Variants in PIP4K2A observed in about 807,000 individuals in gnomAD.
PIP4K2A encodes phosphatidylinositol-5-phosphate 4-kinase type 2 alpha.
A neutral mutation model predicts 42.9 loss-of-function variants in PIP4K2A; 14 were observed. The ratio of observed to expected loss-of-function variants is 0.33; its 90% confidence interval spans 0.22 to 0.51. PIP4K2A has a LOEUF of 0.51. Among genes scored for constraint, PIP4K2A ranks in the 20% least tolerant of loss-of-function variants. PIP4K2A has a pLI of 0.97. For missense variants in PIP4K2A, 434 were observed against 519.8 expected (o/e 0.83, Z 1.61); for synonymous variants, 192 against 192.2 (o/e 1.00, Z 0.01).
chr10:22,621,239 C>T (rs529656709), intron 1 of PIP4K2A, among the ~76,000 whole-genome samples: 4 of 152,290 alleles, frequency 2.6e-5, no homozygotes, highest in African/African-American at 9.6e-5. Context: ...AATCAATCCC[C>T]TAAGCTAGAG....
chr10:22,605,548 G>A (rs1837887836), intron 3 of PIP4K2A, among the ~76,000 whole-genome samples: 1 of 152,216 alleles, frequency 6.6e-6, no homozygotes, highest in African/African-American at 2.4e-5. Context: ...CTGCTGCAGT[G>A]CAGAACTCAG....
At position 22,691,008 on chromosome 10, in the gene PIP4K2A, C is replaced by A. The variant is rs1014893353; in HGVS notation, c.144+23175G>T. ...GGGTAGAAAAAAGGATTTGGTCCCC[C>A]ACGTAACCCCCTAAGGGAGACAGAA... is the stretch of plus-strand genomic sequence containing the variant. On this transcript the variant is annotated intron_variant, in intron 1 of 9. Transcript: ENST00000376573. Among the ~76,000 whole-genome samples, 6 of 152,274 alleles carry A rather than the reference C, an allele frequency of 3.9e-5. No homozygotes were observed. The East Asian group carries it at 1.2e-3, about 29-fold the overall frequency.
intron 1 of PIP4K2A, among the ~76,000 whole-genome samples, chr10:22,687,338 A>G (rs1839785646): frequency 6.6e-6 from 1 of 152,262 alleles, no homozygotes; most frequent in South Asian, 2.1e-4. Context: ...TATGCATTTA[A>G]TCAAACAATG....
At chr10:22,545,175 C>A (rs1052216976) in intron 7 of PIP4K2A, among the ~76,000 whole-genome samples, 4 of 152,206 alleles carry the variant, frequency 2.6e-5, no homozygotes, top group Non-Finnish European at 5.9e-5. Flanking sequence ...CTAATTCTCC[C>A]CAACCTGCTT....
chr10:22,697,006 C>T (rs1839984932), intron 1 of PIP4K2A, among the ~76,000 whole-genome samples: 1 of 152,122 alleles, frequency 6.6e-6, no homozygotes, highest in African/African-American at 2.4e-5. Flanking sequence ...TAAAATACAT[C>T]CACATAAAGT....
intron 6 of PIP4K2A, among the ~76,000 whole-genome samples, chr10:22,552,228 C>T (rs538724007): frequency 6.6e-6 from 1 of 151,802 alleles, no homozygotes; most frequent in African/African-American, 2.4e-5. Context: ...TAATCTCGTA[C>T]GGGAGAATGA....
intron 1 of PIP4K2A, chr10:22,641,985 C>G (rs1392990359): frequency 6.6e-6 from 1 of 152,278 alleles, no homozygotes; most frequent in African/African-American, 2.4e-5. Flanking sequence ...GACCTTCGGA[C>G]TTTCACGCAG....
intron 1 of PIP4K2A, among the ~76,000 whole-genome samples, chr10:22,669,697 C>T (rs1839412781): frequency 6.6e-6 from 1 of 152,216 alleles, no homozygotes; most frequent in Non-Finnish European, 1.5e-5. Context: ...TACAGACGGT[C>T]TGCGACTTGC....
chr10:22,635,989 A>C (rs1367101944), intron 1 of PIP4K2A, among the ~76,000 whole-genome samples: 1 of 152,240 alleles, frequency 6.6e-6, no homozygotes, highest in East Asian at 1.9e-4. Context: ...TGTGGTTCTG[A>C]GGCTGAAAAC....
chr10:22,557,719 T>C (rs1252961597), intron 6 of PIP4K2A, among the ~76,000 whole-genome samples: 1 of 152,188 alleles, frequency 6.6e-6, no homozygotes, highest in African/African-American at 2.4e-5. Flanking sequence ...CAAACTAAAA[T>C]ATCATTGGAT....
At chr10:22,673,148 C>G (rs1158968040) in intron 1 of PIP4K2A, among the ~76,000 whole-genome samples, 1 of 152,206 alleles carries the variant, frequency 6.6e-6, no homozygotes, top group Admixed American at 6.5e-5. Context: ...TGACTTCTAC[C>G]TAATTCAGGC....
chr10:22,571,170 T>G (rs1836977840), intron 5 of PIP4K2A, among the ~76,000 whole-genome samples: 1 of 152,246 alleles, frequency 6.6e-6, no homozygotes, highest in African/African-American at 2.4e-5. Flanking sequence ...CTGGCCATCT[T>G]TTTCATGAAA....
chr10:22,656,521 G>A (rs1839104848), intron 1 of PIP4K2A, among the ~76,000 whole-genome samples: 1 of 152,114 alleles, frequency 6.6e-6, no homozygotes. Context: ...CTACAAGGGT[G>A]CAAATAAAGG....
chr10:22,535,890 GA>G lies in PIP4K2A; in HGVS notation c.*1310del, dbSNP rs34435373. The G allele has an allele frequency of 0.94, 351,875 of 373,106 alleles. 166,010 individuals are homozygous for G. Among genetic ancestry groups the G allele is most frequent in the East Asian group, 1 (26,486 of 26,496 alleles). 23.1% of individuals were successfully genotyped at this position (373,106 alleles called of 1,614,324 possible). A position where few individuals can be genotyped will look rare whatever the true frequency, so the allele number is the denominator to read the frequency against. On this transcript the variant is annotated 3_prime_UTR_variant, in exon 10 of 10. Transcript: ENST00000376573. ...TAGGTTGATAAATGTACATTTGGAG[GA>G]AAAAAAAATCCTTTTCCTTTTATTG...
At position 22,714,336 on chromosome 10, in the gene PIP4K2A, C is replaced by T; in HGVS notation, c.-10G>A. 1 of 1,590,420 alleles carries T rather than the reference C, an allele frequency of 6.3e-7. No individual in the cohort carries two copies. The highest frequency in any genetic ancestry group is 8.6e-7 in the Non-Finnish European group (1 of 1,168,608). ...TGCCGGGGGTCGCCATGGCCGCCTC[C>T]TATGTCCCCTCCACCGCCGTGCTCC... On this transcript the variant is annotated 5_prime_UTR_variant, in exon 1 of 10. Transcript: ENST00000376573.
chr10:22,550,313 G>A (rs1033638183), intron 7 of PIP4K2A, among the ~76,000 whole-genome samples: 4 of 152,238 alleles, frequency 2.6e-5, no homozygotes, highest in African/African-American at 9.6e-5. Context: ...TTGACACAGA[G>A]TCCAGTACTC....
chr10:22,664,104 C>CGT (rs773759044), intron 1 of PIP4K2A, among the ~76,000 whole-genome samples: 1,262 of 50,050 alleles, frequency 0.025, 13 homozygotes, highest in African/African-American at 0.035. Flanking sequence ...TATATATATA[C>CGT]ATATATATAT....
chr10:22,557,787 G>A (rs989120837), intron 6 of PIP4K2A, among the ~76,000 whole-genome samples: 6 of 152,076 alleles, frequency 3.9e-5, no homozygotes, highest in Non-Finnish European at 7.4e-5. Flanking sequence ...ATGGGTAAAT[G>A]GCCATTAATA....
intron 4 of PIP4K2A, among the ~76,000 whole-genome samples, chr10:22,579,824 G>A (rs1043456609): frequency 3.4e-5 from 5 of 149,232 alleles, no homozygotes; most frequent in South Asian, 4.1e-4. Context: ...CAGGAGAATC[G>A]CCTGAACCCA....
Sources: gnomAD v4.1 joint callset for allele counts (sites outside exome capture counted in the v4.1 genomes callset) on GRCh38, gnomAD v4.1.1 for gene constraint, MANE v1.5 for transcripts, NCBI Gene and HGNC (gene_info 2026-07-23, HGNC 2026-07-21) for gene names.